Variants in PARD3B observed in about 807,000 individuals in gnomAD.
PARD3B encodes par-3 family cell polarity regulator beta, also known as partitioning defective 3 homolog B.
PARD3B carries 103 observed loss-of-function variants against 130.2 expected under a neutral mutation model. That is an observed-to-expected ratio of 0.79 (90% confidence interval 0.67 to 0.93). The LOEUF is 0.93. Ranked by LOEUF, PARD3B falls within the 40% of genes least tolerant of loss-of-function variation. PARD3B has a pLI of 0.00. For synonymous variants in PARD3B, 583 were observed against 553.2 expected, an observed-to-expected ratio of 1.05 and a Z score of -0.76; for missense variants, 1,609 against 1,499.2, an observed-to-expected ratio of 1.07 and a Z score of -1.21.
At chr2:204,551,972 C>T (rs1446992931) in intron 1 of PARD3B, among the ~76,000 whole-genome samples, 1 of 152,190 alleles carries the variant, frequency 6.6e-6, no homozygotes, top group Non-Finnish European at 1.5e-5. Context: ...TTCAAGAGGG[C>T]AGCCACTAGA....
intron 2 of PARD3B, among the ~76,000 whole-genome samples, chr2:204,817,658 C>T (rs1231177101): frequency 1.3e-5 from 2 of 152,080 alleles, no homozygotes; most frequent in Non-Finnish European, 2.9e-5. Flanking sequence ...TTTCTTTGTG[C>T]AGCCCTCTCA....
intron 16 of PARD3B, among the ~76,000 whole-genome samples, chr2:205,266,790 G>T (rs1215464139): frequency 6.6e-6 from 1 of 152,152 alleles, no homozygotes; most frequent in Non-Finnish European, 1.5e-5. Flanking sequence ...CAGGAAAGAA[G>T]AGATGAGAAA....
At chr2:204,691,997 A>G (rs1319757436) in intron 2 of PARD3B, among the ~76,000 whole-genome samples, 1 of 152,116 alleles carries the variant, frequency 6.6e-6, no homozygotes, top group East Asian at 1.9e-4. Context: ...TGGAGATGTA[A>G]CATGATTTTA....
rs550856960 is a variant in PARD3B, at chr2:204,856,020, A to G, written c.223-109132A>G. On this transcript the variant is annotated intron_variant, in intron 2 of 22. Transcript: ENST00000406610. ...AATGCTGAAATAAACATGGGAGTGC[A>G]GATATCTCTTTGACATGTTGATTTC... Among the ~76,000 whole-genome samples the G allele has an allele frequency of 2.6e-4, 39 of 152,326 alleles. No individual in the cohort carries two copies. In the South Asian group the frequency reaches 7.9e-3, roughly 31 times the overall value.
intron 18 of PARD3B, among the ~76,000 whole-genome samples, chr2:205,398,402 A>G (rs908535168): frequency 6.6e-6 from 1 of 152,180 alleles, no homozygotes; most frequent in Non-Finnish European, 1.5e-5. Flanking sequence ...AAAAAAAAGG[A>G]ATAAATTCAG....
chr2:205,611,281 T>A (rs2055219802), intron 22 of PARD3B, among the ~76,000 whole-genome samples: 1 of 152,178 alleles, frequency 6.6e-6, no homozygotes, highest in Non-Finnish European at 1.5e-5. Flanking sequence ...ATTTTGTCCT[T>A]CCAGTATTGA....
chr2:205,042,157 G>C (rs555874242), intron 3 of PARD3B, among the ~76,000 whole-genome samples: 5 of 152,206 alleles, frequency 3.3e-5, no homozygotes, highest in Non-Finnish European at 5.9e-5. Context: ...TGAATTAGAC[G>C]ACCCTCCTCT....
intron 1 of PARD3B, chr2:204,557,916 A>G (rs1468867729): frequency 1.3e-5 from 2 of 152,222 alleles, no homozygotes; most frequent in Non-Finnish European, 2.9e-5. Context: ...TGTGTGATGC[A>G]GTCTCTTGTG....
chr2:204,973,125 G>T (rs775380618), intron 3 of PARD3B, among the ~76,000 whole-genome samples: 3 of 152,078 alleles, frequency 2.0e-5, no homozygotes, highest in African/African-American at 7.2e-5. Flanking sequence ...TCCCCAGCTC[G>T]CTCTCTTCTG....
chr2:204,977,653 C>CA (rs966038808), intron 3 of PARD3B, among the ~76,000 whole-genome samples: 45 of 150,470 alleles, frequency 3.0e-4, no homozygotes, highest in South Asian at 1.7e-3. Context: ...GCTAAAAATA[C>CA]AAAAAAAAAT....
intron 1 of PARD3B, among the ~76,000 whole-genome samples, chr2:204,597,257 T>TG (rs2033336927): frequency 6.6e-6 from 1 of 150,604 alleles, no homozygotes; most frequent in South Asian, 2.2e-4. Flanking sequence ...AGCCGATGCG[T>TG]GTTTTTTTTT....
intron 4 of PARD3B, 51 bp from the exon 5 acceptor site, chr2:205,104,375 T>A: frequency 7.6e-7 from 1 of 1,323,678 alleles, no homozygotes; most frequent in South Asian, 1.2e-5. Context: ...TATTCAGATT[T>A]TCAATTCAAT....
At chr2:205,196,932 T>C (rs563823112) in intron 15 of PARD3B, among the ~76,000 whole-genome samples, 15 of 152,176 alleles carry the variant, frequency 9.9e-5, no homozygotes, top group African/African-American at 3.6e-4. Context: ...TGAAATTACT[T>C]TGGCTCTTCA....
chr2:205,135,279 T>C (rs2032384576), intron 10 of PARD3B, among the ~76,000 whole-genome samples: 1 of 152,198 alleles, frequency 6.6e-6, no homozygotes, highest in Non-Finnish European at 1.5e-5. Context: ...CTTGATTTGC[T>C]TAATTGCCTC....
intron 2 of PARD3B, among the ~76,000 whole-genome samples, chr2:204,852,157 G>T (rs536895576): frequency 6.6e-6 from 1 of 150,780 alleles, no homozygotes; most frequent in South Asian, 2.1e-4. Context: ...AGTCTTTTAG[G>T]TTTCTTGCCA....
intron 2 of PARD3B, among the ~76,000 whole-genome samples, chr2:204,792,512 CAA>C (rs2125478956): frequency 6.6e-6 from 1 of 151,668 alleles, no homozygotes; most frequent in African/African-American, 2.4e-5. Context: ...GAAAACCAGA[CAA>C]ATTCCTGAGT....
chr2:205,308,621 C>CAAAAAAAAAAAAAA (rs1252730210), intron 18 of PARD3B, among the ~76,000 whole-genome samples: 6 of 93,072 alleles, frequency 6.4e-5, no homozygotes, highest in Non-Finnish European at 1.1e-4. Context: ...AAAAAAAAAC[C>CAAAAAAAAAAAAAA]AAACAACAAA....
chr2:204,578,330 C>G (rs1304844203), intron 1 of PARD3B, among the ~76,000 whole-genome samples: 2 of 152,160 alleles, frequency 1.3e-5, no homozygotes, highest in Non-Finnish European at 2.9e-5. Context: ...ACTCTGCTTG[C>G]GTGGACTCAC....
intron 13 of PARD3B, among the ~76,000 whole-genome samples, chr2:205,178,143 TAAAAAAAAAAAAAAAAA>T (rs58267787): frequency 1.2e-3 from 24 of 20,796 alleles, no homozygotes; most frequent in Admixed American, 4.9e-3. Context: ...CCATCTGTAC[TAAAAAAAAAAAAAAAAA>T]AAAAAAAAAA....
Sources: allele counts gnomAD v4.1 joint callset (sites outside exome capture counted in the v4.1 genomes callset), GRCh38; gene constraint gnomAD v4.1.1; transcripts MANE v1.5; gene names NCBI Gene and HGNC (gene_info 2026-07-23, HGNC 2026-07-21).